The following MNAT1 variants were observed in gnomAD, a reference collection of about 807,000 sequenced individuals.
MNAT1 encodes the protein MNAT1 component of CDK activating kinase.
A neutral mutation model predicts 42.0 loss-of-function variants in MNAT1; 43 were observed. The ratio of observed to expected loss-of-function variants is 1.02; its 90% CI spans 0.80 to 1.32. MNAT1 has a LOEUF of 1.32. Ranked by LOEUF, MNAT1 falls within the 40% of genes most tolerant of loss-of-function variation. MNAT1 has a pLI of 0.00. For synonymous variants in MNAT1, 118 were observed against 120.0 expected (o/e 0.98, Z 0.11); for missense variants, 306 against 350.4 (o/e 0.87, Z 1.01).
At chr14:60,787,846 C>G (rs2031698752) in intron 1 of MNAT1, among the ~76,000 whole-genome samples, 1 of 152,144 alleles carries the variant, frequency 6.6e-6, no homozygotes, top group Admixed American at 6.5e-5. Context: ...AATTCTAGTT[C>G]TCTCGCTGTT....
intron 7 of MNAT1, among the ~76,000 whole-genome samples, chr14:60,961,433 C>T (rs1241038757): frequency 6.6e-6 from 1 of 152,158 alleles, no homozygotes; most frequent in Non-Finnish European, 1.5e-5. Flanking sequence ...TACTGTGTCT[C>T]CTTACTCCTT....
At chr14:60,899,743 T>G (rs533397903) in intron 7 of MNAT1, among the ~76,000 whole-genome samples, 1 of 152,330 alleles carries the variant, frequency 6.6e-6, no homozygotes, top group South Asian at 2.1e-4. Flanking sequence ...TAGGGTCCAG[T>G]TCACAAAAAT....
At chr14:60,788,210 T>C (rs1348509621) in intron 1 of MNAT1, among the ~76,000 whole-genome samples, 1 of 152,132 alleles carries the variant, frequency 6.6e-6, no homozygotes, top group East Asian at 1.9e-4. Flanking sequence ...CACATATCCA[T>C]CAGAGGTCTT....
intron 3 of MNAT1, among the ~76,000 whole-genome samples, chr14:60,802,693 G>C (rs984922092): frequency 6.6e-6 from 1 of 152,174 alleles, no homozygotes; most frequent in Admixed American, 6.5e-5. Flanking sequence ...AAGTGTGTTA[G>C]AGTAGGCAAA....
chr14:60,777,002 C>T (rs1194366697), intron 1 of MNAT1, among the ~76,000 whole-genome samples: 1 of 152,018 alleles, frequency 6.6e-6, no homozygotes, highest in African/African-American at 2.4e-5. Context: ...TGCACACCAC[C>T]ACTCCCGGCT....
At chr14:60,749,441 A>G (rs1160305018) in intron 1 of MNAT1, among the ~76,000 whole-genome samples, 1 of 152,158 alleles carries the variant, frequency 6.6e-6, no homozygotes, top group Non-Finnish European at 1.5e-5. Flanking sequence ...TATTATGTCT[A>G]ACAAATATAT....
intron 7 of MNAT1, among the ~76,000 whole-genome samples, chr14:60,895,938 A>G (rs932853370): frequency 1.3e-5 from 2 of 152,126 alleles, no homozygotes; most frequent in Non-Finnish European, 2.9e-5. Flanking sequence ...TTAATTATGT[A>G]TTTTTGGGAG....
intron 6 of MNAT1, among the ~76,000 whole-genome samples, chr14:60,869,574 A>G (rs1371039471): frequency 6.6e-6 from 1 of 152,136 alleles, no homozygotes; most frequent in Non-Finnish European, 1.5e-5. Flanking sequence ...ATTAAGCAAG[A>G]TAGATCAATT....
chr14:60,966,371 C>T (rs549407140), intron 7 of MNAT1, among the ~76,000 whole-genome samples: 34 of 152,098 alleles, frequency 2.2e-4, no homozygotes, highest in Admixed American at 1.4e-3. Context: ...CCACCTGCCT[C>T]GGCTTCCCAG....
At chr14:60,804,304 A>G (rs910959679) in intron 3 of MNAT1, among the ~76,000 whole-genome samples, 15 of 152,180 alleles carry the variant, frequency 9.9e-5, no homozygotes, top group African/African-American at 3.4e-4. Flanking sequence ...TATTGTACCA[A>G]CCTGATTCAT....
chr14:60,881,343 C>T (rs1461111826), intron 7 of MNAT1, among the ~76,000 whole-genome samples: 3 of 152,044 alleles, frequency 2.0e-5, no homozygotes, highest in African/African-American at 7.2e-5. Context: ...CACCACCATG[C>T]CTGGCTAATT....
intron 1 of MNAT1, among the ~76,000 whole-genome samples, chr14:60,782,555 G>T (rs914904250): frequency 6.6e-6 from 1 of 152,040 alleles, no homozygotes; most frequent in Non-Finnish European, 1.5e-5. Flanking sequence ...TTTGAAATCT[G>T]GTCCTTACTG....
intron 6 of MNAT1, among the ~76,000 whole-genome samples, chr14:60,825,755 G>A (rs1367749675): frequency 6.6e-6 from 1 of 152,020 alleles, no homozygotes; most frequent in Non-Finnish European, 1.5e-5. Flanking sequence ...TCTGATTCAG[G>A]TGTCCTCTGA....
chr14:60,797,244 A>G (rs527770473), intron 2 of MNAT1, among the ~76,000 whole-genome samples: 17 of 152,264 alleles, frequency 1.1e-4, no homozygotes, highest in African/African-American at 3.1e-4. Context: ...TATTGTTTGT[A>G]TAACTTCTGC....
At chr14:60,955,389 T>C (rs1397767182) in intron 7 of MNAT1, among the ~76,000 whole-genome samples, 1 of 151,722 alleles carries the variant, frequency 6.6e-6, no homozygotes, top group African/African-American at 2.4e-5. Flanking sequence ...AGGCCAGGTG[T>C]GGTGGCTCAC....
chr14:60,835,518 A>G (rs186236682), intron 6 of MNAT1, among the ~76,000 whole-genome samples: 1 of 152,212 alleles, frequency 6.6e-6, no homozygotes, highest in African/African-American at 2.4e-5. Flanking sequence ...TTGGCTGGAT[A>G]TAACATTCTG....
chr14:60,817,161 A>G (rs1206106767), intron 5 of MNAT1, among the ~76,000 whole-genome samples: 7 of 151,858 alleles, frequency 4.6e-5, no homozygotes, highest in Non-Finnish European at 8.8e-5. Flanking sequence ...TCTACATGTG[A>G]AAAGATAGAA....
At chr14:60,787,910 T>C (rs764620113) in intron 1 of MNAT1, among the ~76,000 whole-genome samples, 1 of 152,200 alleles carries the variant, frequency 6.6e-6, no homozygotes, top group Non-Finnish European at 1.5e-5. Flanking sequence ...GAAAGTCATC[T>C]GTGAGGATTG....
intron 5 of MNAT1, among the ~76,000 whole-genome samples, chr14:60,812,390 T>TA (rs1212888939): frequency 6.6e-6 from 1 of 152,260 alleles, no homozygotes; most frequent in African/African-American, 2.4e-5. Context: ...TCTGCTTCCC[T>TA]AATGTATTCT....
Sources: allele counts gnomAD v4.1 joint callset (sites outside exome capture counted in the v4.1 genomes callset), GRCh38; gene constraint gnomAD v4.1.1; transcripts MANE v1.5; gene names NCBI Gene and HGNC (gene_info 2026-07-23, HGNC 2026-07-21).